Variants in SPEG observed in about 807,000 individuals in gnomAD.
SPEG encodes striated muscle enriched protein kinase.
Under a neutral mutation model 300.4 loss-of-function variants are expected in SPEG, and 114 were observed. That is an observed-to-expected ratio of 0.38 (90% confidence interval 0.33 to 0.44). The LOEUF is 0.44. Among genes scored for constraint, SPEG ranks in the 20% least tolerant of loss-of-function variants. SPEG has a pLI of 1.00. For missense variants in SPEG, 4,201 were observed against 4,586.2 expected, an observed-to-expected ratio of 0.92 and a Z score of 2.43; for synonymous variants, 1,964 against 2,018.9, an observed-to-expected ratio of 0.97 and a Z score of 0.73.
intron 36 of SPEG, among the ~76,000 whole-genome samples, 176 bp downstream of exon 36, chr2:219,490,115 A>G (rs1039749966): frequency 6.6e-6 from 1 of 152,242 alleles, no homozygotes. Flanking sequence ...TGCTTTAGCC[A>G]TATGATCTCA....
Position 219,480,153 on chromosome 2 carries a change from TGCTGG to T in SPEG, c.5342+21_5342+25del, listed in dbSNP as rs771602442. On this transcript the variant is annotated intron_variant, in intron 25 of 40. Transcript: ENST00000312358. This position sits in a 1 kb window ranked among gnomAD's most constrained non-coding sequence, Gnocchi z 5.3. Reference sequence around the variant, plus strand: ...TCACTGACATCTGGTAAGGCTGGCATGCTGGGCTGGGCCGACCAGGGCAGCTGCCC... The same window carrying T: ...TCACTGACATCTGGTAAGGCTGGCATGCTGGGCCGACCAGGGCAGCTGCCC... The T allele has an allele frequency of 8.1e-6, 13 of 1,612,926 alleles. No individual in the cohort carries two copies. The highest frequency in any genetic ancestry group is 8.5e-7 in the Non-Finnish European group (1 of 1,179,570).
rs1486288514 is a variant in SPEG at position 219,443,237 on chromosome 2, A to G, written c.389-1416A>G. 7.5e-7 allele frequency: 1 copy of G among 1,329,056 alleles called. No individual in the cohort carries two copies. Among genetic ancestry groups the G allele is most frequent in the Non-Finnish European group, 1.1e-6 (1 of 920,844 alleles). The allele number at this position is 1,329,056 out of a possible 1,614,324, so 82.3% of individuals were successfully genotyped here. The stretch of plus-strand genomic sequence containing the variant: ...CCTCTGTGAGGCATCGAGTTCCTGA[A>G]GACAGCCCATGAGATGTGGAACCCT... On this transcript the variant is annotated intron_variant, in intron 1 of 40. Transcript: ENST00000312358. This position sits in a 1 kb window ranked among gnomAD's most constrained non-coding sequence, Gnocchi z 4.6.
intron 1 of SPEG, among the ~76,000 whole-genome samples, chr2:219,442,372 GCGCCCACTT>G (rs1017075153): frequency 2.7e-4 from 41 of 151,888 alleles, no homozygotes; most frequent in African/African-American, 8.9e-4. Context: ...TCGGCGTGGA[GCGCCCACTT>G]GCTTCTTTGC....
At chr2:219,471,459 G>A (rs950787453) in intron 13 of SPEG, among the ~76,000 whole-genome samples, 1 of 152,166 alleles carries the variant, frequency 6.6e-6, no homozygotes, top group African/African-American at 2.4e-5. Context: ...GAGAAGAAGG[G>A]CTTAGGGGAG....
Position 219,478,114 on chromosome 2 carries a change from G to A in SPEG, c.5027+9G>A, listed in dbSNP as rs1559410754. 1 of 1,611,848 alleles carries A rather than the reference G, an allele frequency of 6.2e-7. No homozygotes were observed. The highest frequency in any genetic ancestry group is 1.1e-5 in the South Asian group (1 of 91,012). ...GTCATTGTCACCGAGCTGTATCCTG[G>A]GACAGGCTGGGGGCTAGGGGGATCC... On this transcript the variant is annotated intron_variant, in intron 22 of 40. Coordinates refer to ENST00000312358, the MANE Select transcript of SPEG (RefSeq NM_005876.5).
In SPEG at chr2:219,467,536, C is replaced by G. The variant is rs958904193; in HGVS notation, c.3142+102C>G. The G allele has an allele frequency of 1.1e-5, 15 of 1,402,540 alleles. No individual in the cohort carries two copies. The East Asian group carries it at 3.5e-4, about 32-fold the overall frequency. 86.9% of individuals were successfully genotyped at this position (1,402,540 alleles called of 1,614,324 possible). ...ATGCCTGGGAAACAGAGCTCCAACC[C>G]CGAGGGGAAGCGGGGGAGGGTGGGA... On this transcript the variant is annotated intron_variant, in intron 10 of 40. Coordinates refer to ENST00000312358, the MANE Select transcript of SPEG (RefSeq NM_005876.5).
intron 3 of SPEG, among the ~76,000 whole-genome samples, chr2:219,446,648 C>T (rs1172743404): frequency 1.3e-5 from 2 of 152,234 alleles, no homozygotes; most frequent in Admixed American, 6.5e-5. Flanking sequence ...ACTACTTGTC[C>T]TCCCTTCTGT....
rs777086039 is a variant in SPEG at position 219,492,683 on chromosome 2, C to T, written c.9701C>T (p.Thr3234Ile). 6.2e-7 allele frequency: 1 copy of T among 1,610,166 alleles called. No homozygotes were observed. Among genetic ancestry groups the T allele is most frequent in the South Asian group, 1.1e-5 (1 of 91,078 alleles). The part of the protein sequence containing the change: ...MKLRRQTLTF[T>I]TNRLKEFLGE... ...CTGCGCCGCCAGACGCTCACCTTCA[C>T]CACCAACCGGCTCAAGGAGTTCCTG... Residue 3234 changes from threonine (T) to isoleucine (I), a missense_variant, in exon 41 of 41, where the codon ACC becomes ATC. By Grantham distance (89) the Thr-to-Ile change is moderately conservative (BLOSUM62 -1). Transcript: ENST00000312358.
rs780402916 is a variant in SPEG at position 219,493,612 on chromosome 2, T to C, written c.*826T>C. ...TGTCTGTCTGTCTGCCACAAGGAAATAAAAATGGCAAGCAGCATAACCTGT... is the reference window on the plus strand; with the variant it reads ...TGTCTGTCTGTCTGCCACAAGGAAACAAAAATGGCAAGCAGCATAACCTGT... On this transcript the variant is annotated 3_prime_UTR_variant, in exon 41 of 41. Transcript: ENST00000312358. The C allele has an allele frequency of 6.5e-6, 3 of 462,160 alleles. No individual in the cohort carries two copies. The highest frequency in any genetic ancestry group is 1.3e-5 in the Non-Finnish European group (3 of 229,086). 28.6% of individuals were successfully genotyped at this position (462,160 alleles called of 1,614,324 possible).
intron 6 of SPEG, among the ~76,000 whole-genome samples, chr2:219,453,643 A>G (rs1306634211): frequency 6.6e-6 from 1 of 152,242 alleles, no homozygotes; most frequent in Non-Finnish European, 1.5e-5. Context: ...GGGGAGCCAG[A>G]AAGCCTTCAT....
At chr2:219,466,486 G>A (rs1691373059) in intron 9 of SPEG, 1 of 1,150,530 alleles carries the variant, frequency 8.7e-7, no homozygotes, top group Non-Finnish European at 1.1e-6. Flanking sequence ...GTGAGACAGA[G>A]TGGGAGAGAT....
intron 6 of SPEG, chr2:219,460,517 G>C: frequency 1.0e-6 from 1 of 985,400 alleles, no homozygotes; most frequent in Non-Finnish European, 1.2e-6. Flanking sequence ...TGTCTTGCTC[G>C]GGGACGGAGG....
intron 4 of SPEG, among the ~76,000 whole-genome samples, chr2:219,449,488 A>G (rs73085288): frequency 0.1 from 15,398 of 152,218 alleles, 1,595 homozygotes; most frequent in African/African-American, 0.27. Flanking sequence ...CTGGTGAGGC[A>G]GAGCGTGAGT....
rs758834571 is a variant in SPEG at position 219,471,917 on chromosome 2, C to T, written c.3765C>T (p.Ala1255=). 28 of 1,613,894 alleles carry T rather than the reference C, an allele frequency of 1.7e-5. No individual in the cohort carries two copies. Among genetic ancestry groups the T allele is most frequent in the Admixed American group, 3.3e-5 (2 of 59,994 alleles). Reference sequence around the variant, plus strand: ...TCCCTGCCGTGGGGCCTCAGCACGCCGGTGTCTACAAGAGCGTCATTGCCA... The same window carrying T: ...TCCCTGCCGTGGGGCCTCAGCACGCTGGTGTCTACAAGAGCGTCATTGCCA... ...LVFPAVGPQH[A]GVYKSVIANK... is the part of the protein sequence containing the mutation. The change falls in exon 14 of 41, where the codon GCC becomes GCT. Residue 1255 remains alanine (A), a synonymous_variant. Transcript: ENST00000312358.
At chr2:219,441,134 A>G (rs1688889094) in intron 1 of SPEG, among the ~76,000 whole-genome samples, 2 of 152,312 alleles carry the variant, frequency 1.3e-5, no homozygotes, top group South Asian at 4.1e-4. Flanking sequence ...CATAGCTATA[A>G]TGGTCATGGG....
intron 6 of SPEG, chr2:219,460,699 G>A: frequency 1.0e-6 from 1 of 978,830 alleles, no homozygotes; most frequent in Non-Finnish European, 1.2e-6. Flanking sequence ...CTCCACACCA[G>A]GGCCCAGGCT....
At chr2:219,466,625 CA>C in intron 9 of SPEG, 1 of 1,003,734 alleles carries the variant, frequency 1.0e-6, no homozygotes, top group Non-Finnish European at 1.2e-6. Context: ...CACAAAAGAC[CA>C]AAAGCCAGAG....
intron 6 of SPEG, among the ~76,000 whole-genome samples, chr2:219,454,183 T>A (rs1201585120): frequency 6.6e-6 from 1 of 152,184 alleles, no homozygotes. Context: ...CAGATCTCAA[T>A]TCCTGGTTGG....
rs376671564 is a variant in SPEG, at chr2:219,483,145, C to T, written c.5682C>T (p.Pro1894=). The change falls in exon 30 of 41, where the codon CCC becomes CCT. Residue 1894 remains proline, a synonymous_variant. Transcript: ENST00000312358. The part of the protein sequence containing the change: ...YKCHLVLRPI[P]ELLRAPPERV... ...GCCACCTGGTGCTGCGCCCCATCCC[C>T]GAGCTGCTGCGGGCCCCCCCAGAGC... 1.7e-4 allele frequency: 274 copies of T among 1,609,148 alleles called. No individual in the cohort carries two copies. The East Asian group carries it at 3.0e-3, about 17-fold the overall frequency.
Sources: allele counts gnomAD v4.1 joint callset (sites outside exome capture counted in the v4.1 genomes callset), GRCh38; gene constraint gnomAD v4.1.1; non-coding constraint Gnocchi (gnomAD v3.1); transcripts MANE v1.5; gene names NCBI Gene and HGNC (gene_info 2026-07-23, HGNC 2026-07-21).